The following PDRG1 variants were observed in gnomAD, a reference collection of about 807,000 sequenced individuals.
PDRG1 encodes p53 and DNA damage-regulated protein 1.
In PDRG1, 14 loss-of-function variants were observed where a neutral mutation model predicts 18.4. That is an observed-to-expected ratio of 0.76 (90% CI 0.50 to 1.19). PDRG1 has a LOEUF of 1.19. Among genes scored for constraint, PDRG1 ranks in the 50% most tolerant of loss-of-function variants. The pLI, the probability that PDRG1 is intolerant of heterozygous loss-of-function variation, is 0.00. For missense variants in PDRG1, 177 were observed against 160.1 expected (o/e 1.11, Z -0.57); for synonymous variants, 65 against 60.9 (o/e 1.07, Z -0.31).
intron 2 of PDRG1, among the ~76,000 whole-genome samples, chr20:31,949,158 T>C (rs2064336365): frequency 6.6e-6 from 1 of 151,550 alleles, no homozygotes; most frequent in African/African-American, 2.4e-5. Context: ...GATTATATGC[T>C]ATCTACACAG....
In PDRG1 at chr20:31,945,292, A is replaced by G. The variant is rs1452498988; in HGVS notation, c.*515T>C. ...CGGGAGGTGTGTGTGCCTGCCCCAC[A>G]GATGGCTGTGGTGAGCCACAAAGCA... On this transcript the variant is annotated 3_prime_UTR_variant, in exon 5 of 5. Transcript: ENST00000202017. 6.5e-6 allele frequency: 1 copy of G among 153,064 alleles called. No homozygotes were observed. The highest frequency in any genetic ancestry group is 1.5e-5 in the Non-Finnish European group (1 of 68,356). 9.5% of individuals were successfully genotyped at this position (153,064 alleles called of 1,614,324 possible). A position where few individuals can be genotyped will look rare whatever the true frequency, so the allele number is the denominator to read the frequency against.
Position 31,951,988 on chromosome 20 carries a change from C to G in PDRG1, c.-27G>C. Reference sequence around the variant, plus strand: ...GCGCCCACCAACTCCGCTTGCGGCTCTCGCGCGACCCCGGGATCTCCGCTT... The same window carrying G: ...GCGCCCACCAACTCCGCTTGCGGCTGTCGCGCGACCCCGGGATCTCCGCTT... On this transcript the variant is annotated 5_prime_UTR_variant, in exon 1 of 5. Coordinates refer to ENST00000202017, the MANE Select transcript of PDRG1 (RefSeq NM_030815.3). 1.3e-6 allele frequency: 2 copies of G among 1,522,362 alleles called. No homozygotes were observed. Among genetic ancestry groups the G allele is most frequent in the South Asian group, 1.3e-5 (1 of 79,864 alleles). 94.3% of individuals were successfully genotyped at this position (1,522,362 alleles called of 1,614,324 possible). A position where few individuals can be genotyped will look rare whatever the true frequency, so the allele number is the denominator to read the frequency against.
intron 3 of PDRG1, among the ~76,000 whole-genome samples, chr20:31,948,383 C>T (rs956643900): frequency 2.6e-5 from 4 of 152,200 alleles, no homozygotes; most frequent in African/African-American, 9.7e-5. Context: ...AGGCCTGCAA[C>T]GATGAAACAA....
At chr20:31,951,016 C>T (rs1475998646) in intron 1 of PDRG1, among the ~76,000 whole-genome samples, 1 of 152,186 alleles carries the variant, frequency 6.6e-6, no homozygotes, top group African/African-American at 2.4e-5. Flanking sequence ...ATTGAGCCAG[C>T]AATTAAATGA....
In PDRG1 at chr20:31,951,963, G is replaced by A. The variant is rs138778824; in HGVS notation, c.-2C>T. The A allele has an allele frequency of 9.2e-5, 143 of 1,562,216 alleles. No homozygotes were observed. In the African/African-American group the frequency reaches 1.2e-3, roughly 13 times the overall value. The stretch of plus-strand genomic sequence containing the variant: ...TCGCTCTGCCTCGGGTGATAGCATA[G>A]CGCCCACCAACTCCGCTTGCGGCTC... On this transcript the variant is annotated 5_prime_UTR_variant, in exon 1 of 5. Coordinates refer to ENST00000202017, the MANE Select transcript of PDRG1 (RefSeq NM_030815.3).
chr20:31,946,381 C>T, intron 4 of PDRG1, 115 bp downstream of exon 4: 1 of 986,950 alleles, frequency 1.0e-6, no homozygotes, highest in Non-Finnish European at 1.6e-6. Context: ...GGGCCACTCA[C>T]AGGCTGCCCC....
At chr20:31,951,508 C>T (rs532551513) in intron 1 of PDRG1, among the ~76,000 whole-genome samples, 2 of 152,208 alleles carry the variant, frequency 1.3e-5, no homozygotes, top group Non-Finnish European at 2.9e-5. Flanking sequence ...CGTCCCCACC[C>T]CTGCCCGGTC....
Position 31,950,304 on chromosome 20 carries a change from C to G in PDRG1, c.163+8G>C, listed in dbSNP as rs1348192043. On this transcript the variant is annotated splice_region_variant and intron_variant, in intron 2 of 4. Transcript: ENST00000202017. ...CTCCAGGGCTGCACTGAGAAAATTT[C>G]AACTTACCAGAGAGGCTGAGATCCT... 2 of 1,598,204 alleles carry G rather than the reference C, an allele frequency of 1.3e-6. No homozygotes were observed. The highest frequency in any genetic ancestry group is 1.7e-6 in the Non-Finnish European group (2 of 1,165,688).
In PDRG1 at chr20:31,944,882, T is replaced by C. The variant is rs1455032052; in HGVS notation, c.*925A>G. 6.6e-6 allele frequency: 1 copy of C among 152,236 alleles called. No homozygotes were observed. The highest frequency in any genetic ancestry group is 1.9e-4 in the East Asian group (1 of 5,196). 9.4% of individuals were successfully genotyped at this position (152,236 alleles called of 1,614,324 possible). A position where few individuals can be genotyped will look rare whatever the true frequency, so the allele number is the denominator to read the frequency against. On this transcript the variant is annotated 3_prime_UTR_variant, in exon 5 of 5. Coordinates refer to ENST00000202017, the MANE Select transcript of PDRG1 (RefSeq NM_030815.3). Reference sequence around the variant, plus strand: ...GTTTATTTCAAGGCAAGAACCATGTTCATAGGTTGTATTCTAAATGGAGTG... The same window carrying C: ...GTTTATTTCAAGGCAAGAACCATGTCCATAGGTTGTATTCTAAATGGAGTG...
rs2064310335 is a variant in PDRG1 at position 31,945,632 on chromosome 20, G to T, written c.*175C>A. On this transcript the variant is annotated 3_prime_UTR_variant, in exon 5 of 5. Transcript: ENST00000202017. ...GGTCCAGCAGCCAGACAGGCTGAAGGTTCCCTCCTGCCATCACAGAGTAGC... is the reference window on the plus strand; with the variant it reads ...GGTCCAGCAGCCAGACAGGCTGAAGTTTCCCTCCTGCCATCACAGAGTAGC... The T allele has an allele frequency of 3.8e-6, 2 of 522,862 alleles. No homozygotes were observed. The highest frequency in any genetic ancestry group is 5.3e-5 in the South Asian group (2 of 38,024). The allele number at this position is 522,862 out of a possible 1,614,324, so 32.4% of individuals were successfully genotyped here. A position where few individuals can be genotyped will look rare whatever the true frequency, so the allele number is the denominator to read the frequency against.
Position 31,944,977 on chromosome 20 carries a change from C to T in PDRG1, c.*830G>A, listed in dbSNP as rs1431310391. ...TGCTGCTATTCATTCATTCAGCTAA[C>T]ATTTATTGAGCCCTTAATGAACACA... is the stretch of plus-strand genomic sequence containing the variant. On this transcript the variant is annotated 3_prime_UTR_variant, in exon 5 of 5. Coordinates refer to ENST00000202017, the MANE Select transcript of PDRG1 (RefSeq NM_030815.3). The T allele has an allele frequency of 3.9e-5, 6 of 152,232 alleles. No homozygotes were observed. Among genetic ancestry groups the T allele is most frequent in the African/African-American group, 1.4e-4 (6 of 41,442 alleles). The allele number at this position is 152,232 out of a possible 1,614,324, so 9.4% of individuals were successfully genotyped here. A position where few individuals can be genotyped will look rare whatever the true frequency, so the allele number is the denominator to read the frequency against.
intron 3 of PDRG1, among the ~76,000 whole-genome samples, chr20:31,948,115 C>T (rs1307983083): frequency 6.6e-6 from 1 of 152,144 alleles, no homozygotes; most frequent in Admixed American, 6.5e-5. Flanking sequence ...ACACTGAGTG[C>T]CTAGGCTATG....
intron 4 of PDRG1, 117 bp from the exon 5 acceptor site, chr20:31,946,006 G>A: frequency 1.3e-6 from 1 of 764,834 alleles, no homozygotes; most frequent in Non-Finnish European, 2.1e-6. Flanking sequence ...GGTCTGGCAG[G>A]GATGGGCCTC....
At position 31,945,667 on chromosome 20, in the gene PDRG1, C is replaced by G; in HGVS notation, c.*140G>C. On this transcript the variant is annotated 3_prime_UTR_variant, in exon 5 of 5. Coordinates refer to ENST00000202017, the MANE Select transcript of PDRG1 (RefSeq NM_030815.3). ...GCCATCACAGAGTAGCCAAGCACTACAAAGAGGTTTTCATGGCCAGATTCC... is the reference window on the plus strand; with the variant it reads ...GCCATCACAGAGTAGCCAAGCACTAGAAAGAGGTTTTCATGGCCAGATTCC... The G allele has an allele frequency of 1.6e-6, 1 of 640,034 alleles. No individual in the cohort carries two copies. Among genetic ancestry groups the G allele is most frequent in the Non-Finnish European group, 2.6e-6 (1 of 379,352 alleles). The allele number at this position is 640,034 out of a possible 1,614,324, so 39.6% of individuals were successfully genotyped here. A position where few individuals can be genotyped will look rare whatever the true frequency, so the allele number is the denominator to read the frequency against.
Position 31,948,848 on chromosome 20 carries a change from G to T in PDRG1, c.198C>A (p.Ile66=), listed in dbSNP as rs751737848. Residue 66 remains isoleucine, a synonymous_variant, in exon 3 of 5, where the codon ATC becomes ATA. Coordinates refer to ENST00000202017, the MANE Select transcript of PDRG1 (RefSeq NM_030815.3). The stretch of plus-strand genomic sequence containing the variant: ...CCTTTGTCTCAGGGTGAGGCATCTT[G>T]ATAAACATGTTCCCGAAGCAAACCA... ...DVMVCFGNMF[I]KMPHPETKEM... 6.2e-7 allele frequency: 1 copy of T among 1,614,000 alleles called. No homozygotes were observed. The highest frequency in any genetic ancestry group is 1.1e-5 in the South Asian group (1 of 91,020).
chr20:31,945,763 A>T lies in PDRG1; in HGVS notation c.*44T>A, dbSNP rs760287409. 1.9e-6 allele frequency: 3 copies of T among 1,545,084 alleles called. No homozygotes were observed. The African/African-American group carries it at 4.1e-5, about 21-fold the overall frequency. On this transcript the variant is annotated 3_prime_UTR_variant, in exon 5 of 5. Transcript: ENST00000202017. ...AAGGTTGGAGGGTCCTGGGTCCTCC[A>T]TGACCCTGGGGGGTTGCTGGTCCCC...
At position 31,951,833 on chromosome 20, in the gene PDRG1, G is replaced by A. The variant is rs756445527; in HGVS notation, c.87+42C>T. 2.0e-6 allele frequency: 3 copies of A among 1,524,752 alleles called. No homozygotes were observed. In the East Asian group the frequency reaches 7.5e-5, roughly 38 times the overall value. 94.5% of individuals were successfully genotyped at this position (1,524,752 alleles called of 1,614,324 possible). ...CTGCGACCCCGCGCGCTTTCCCACG[G>A]CGCCGGCCGCCAGGCCCCAGCGCCG... On this transcript the variant is annotated intron_variant, in intron 1 of 4. Coordinates refer to ENST00000202017, the MANE Select transcript of PDRG1 (RefSeq NM_030815.3).
chr20:31,948,884 T>G lies in PDRG1; in HGVS notation c.164-2A>C, dbSNP rs1490552821. 1.2e-6 allele frequency: 2 copies of G among 1,613,552 alleles called. No individual in the cohort carries two copies. The highest frequency in any genetic ancestry group is 2.2e-5 in the East Asian group (1 of 44,868). On this transcript the variant is annotated splice_acceptor_variant, in intron 2 of 4. Coordinates refer to ENST00000202017, the MANE Select transcript of PDRG1 (RefSeq NM_030815.3). LOFTEE classifies it high-confidence loss of function. ...TCCCGAAGCAAACCATCACATCTTCTGAAAGAGCAAATAGTAATTCCTTCA... is the reference window on the plus strand; with the variant it reads ...TCCCGAAGCAAACCATCACATCTTCGGAAAGAGCAAATAGTAATTCCTTCA...
intron 3 of PDRG1, among the ~76,000 whole-genome samples, chr20:31,946,965 C>T (rs2064323316): frequency 6.6e-6 from 1 of 152,128 alleles, no homozygotes. Context: ...AAAATGGATG[C>T]CTAAGAAATT....
Sources: allele counts gnomAD v4.1 joint callset (sites outside exome capture counted in the v4.1 genomes callset), GRCh38; gene constraint gnomAD v4.1.1; transcripts MANE v1.5; gene names NCBI Gene and HGNC (gene_info 2026-07-23, HGNC 2026-07-21).